The following GLYR1 variants were observed in gnomAD, a reference collection of about 807,000 sequenced individuals.
GLYR1 encodes glyoxylate reductase 1 homolog, also known as cytokine-like nuclear factor N-PAC.
GLYR1 carries 21 observed loss-of-function variants against 72.7 expected under a neutral mutation model. That is an observed-to-expected ratio of 0.29 (90% confidence interval 0.20 to 0.42). The LOEUF (loss-of-function observed/expected upper bound fraction) is 0.42, where lower values mean the gene tolerates loss of function less well. Among genes scored for constraint, GLYR1 ranks in the 10% least tolerant of loss-of-function variants. The pLI is 1.00. For synonymous variants in GLYR1, 392 were observed against 270.2 expected (o/e 1.45, Z -4.42); for missense variants, 594 against 712.1 (o/e 0.83, Z 1.89).
intron 3 of GLYR1, among the ~76,000 whole-genome samples, chr16:4,840,827 A>G (rs1359076765): frequency 6.6e-6 from 1 of 152,222 alleles, no homozygotes; most frequent in African/African-American, 2.4e-5. Flanking sequence ...CTCTTTCCCC[A>G]AAGTAATCTG....
chr16:4,820,837 C>T (rs1444793461), intron 9 of GLYR1, among the ~76,000 whole-genome samples: 1 of 152,206 alleles, frequency 6.6e-6, no homozygotes, highest in Non-Finnish European at 1.5e-5. Context: ...GGAGCATGTC[C>T]AGGATCGCCC....
intron 15 of GLYR1, among the ~76,000 whole-genome samples, chr16:4,810,427 T>C (rs1489598322): frequency 1.3e-5 from 2 of 151,344 alleles, no homozygotes; most frequent in African/African-American, 2.4e-5. Context: ...CAAAAATCTA[T>C]TGAACCCAGG....
intron 7 of GLYR1, 31 bp downstream of exon 7, chr16:4,822,844 C>A (rs367822667): frequency 1.0e-5 from 16 of 1,604,114 alleles, no homozygotes; most frequent in Non-Finnish European, 1.3e-5. Flanking sequence ...CAGCCCCTGA[C>A]CAAGGGCCAA....
chr16:4,834,981 C>T lies in GLYR1; in HGVS notation c.156-2069G>A, dbSNP rs138830178. ...CCAGCCCCAAAAGCCAGTGAAGCTA[C>T]CATACTAACCCGTGGGTCTGAGATG... is the stretch of plus-strand genomic sequence containing the variant. On this transcript the variant is annotated intron_variant, in intron 3 of 15. Transcript: ENST00000321919. Among the ~76,000 whole-genome samples the T allele has an allele frequency of 5.8e-3, 880 of 152,188 alleles. 14 individuals carry two copies. The highest frequency in any genetic ancestry group is 0.02 in the African/African-American group (850 of 41,508).
intron 3 of GLYR1, 194 bp from the exon 4 acceptor site, chr16:4,833,106 T>C (rs2084900046): frequency 2.2e-6 from 1 of 455,196 alleles, no homozygotes; most frequent in African/African-American, 2.0e-5. Flanking sequence ...TTGAAACAAG[T>C]CAAGCAGAAC....
chr16:4,837,797 G>A (rs2085249034), intron 3 of GLYR1, among the ~76,000 whole-genome samples: 1 of 151,914 alleles, frequency 6.6e-6, no homozygotes, highest in African/African-American at 2.4e-5. Flanking sequence ...TAGGTGCGGT[G>A]GCATGCGCCT....
chr16:4,825,100 C>T (rs1165638462), intron 5 of GLYR1, among the ~76,000 whole-genome samples: 1 of 152,194 alleles, frequency 6.6e-6, no homozygotes, highest in Admixed American at 6.5e-5. Flanking sequence ...CCTGCTTCCA[C>T]TCACAGTCTA....
intron 5 of GLYR1, among the ~76,000 whole-genome samples, chr16:4,825,923 A>T (rs1241063760): frequency 6.6e-6 from 1 of 152,212 alleles, no homozygotes; most frequent in African/African-American, 2.4e-5. Context: ...AAGTGCTGGG[A>T]TTACAGGCGT....
chr16:4,821,602 T>G lies in GLYR1; in HGVS notation c.682-5A>C. 2 of 1,613,784 alleles carry G rather than the reference T, an allele frequency of 1.2e-6. No homozygotes were observed. The highest frequency in any genetic ancestry group is 1.7e-6 in the Non-Finnish European group (2 of 1,179,902). The stretch of plus-strand genomic sequence containing the variant: ...TGCCTGGTAACAGACAGCTGGCTAA[T>G]GAAGGAGGAGGAAAGAGACTACTTG... On this transcript the variant is annotated splice_polypyrimidine_tract_variant and splice_region_variant and intron_variant, in intron 7 of 15. Transcript: ENST00000321919.
At chr16:4,826,901 C>T (rs2084416298) in intron 5 of GLYR1, among the ~76,000 whole-genome samples, 1 of 152,228 alleles carries the variant, frequency 6.6e-6, no homozygotes, top group Non-Finnish European at 1.5e-5. Context: ...GAGGAGGCAG[C>T]TTGTAACTCT....
intron 3 of GLYR1, among the ~76,000 whole-genome samples, chr16:4,838,333 G>C (rs1483439475): frequency 6.6e-6 from 1 of 152,130 alleles, no homozygotes; most frequent in Non-Finnish European, 1.5e-5. Flanking sequence ...TGGTGGAAAA[G>C]GACCACTGGT....
At chr16:4,814,065 A>C in intron 11 of GLYR1, 1 of 126,878 alleles carries the variant, frequency 7.9e-6, no homozygotes. Context: ...CTTTTTATTT[A>C]AAAAAAAAAA....
Position 4,803,589 on chromosome 16 carries a change from G to T in GLYR1, c.*1647C>A, listed in dbSNP as rs971739160. 6.8e-6 allele frequency: 1 copy of T among 146,708 alleles called. No individual in the cohort carries two copies. Among genetic ancestry groups the T allele is most frequent in the Non-Finnish European group, 1.5e-5 (1 of 67,034 alleles). The allele number at this position is 146,708 out of a possible 1,614,324, so 9.1% of individuals were successfully genotyped here. ...ATCTTCCCCCGCCCCCACCCCCAGTGTGTTCCGCCAGGACTAGAACAGGCT... is the reference window on the plus strand; with the variant it reads ...ATCTTCCCCCGCCCCCACCCCCAGTTTGTTCCGCCAGGACTAGAACAGGCT... On this transcript the variant is annotated 3_prime_UTR_variant, in exon 16 of 16. Coordinates refer to ENST00000321919, the MANE Select transcript of GLYR1 (RefSeq NM_032569.4).
chr16:4,835,321 C>G (rs144560936), intron 3 of GLYR1, among the ~76,000 whole-genome samples: 2 of 152,176 alleles, frequency 1.3e-5, no homozygotes, highest in Non-Finnish European at 2.9e-5. Context: ...ACAAGGTTTA[C>G]TGATTTCTGC....
intron 15 of GLYR1, among the ~76,000 whole-genome samples, chr16:4,810,540 AACTAAGT>A (rs1277543178): frequency 6.7e-6 from 1 of 150,208 alleles, no homozygotes; most frequent in Non-Finnish European, 1.5e-5. Flanking sequence ...AGAAAAGCTA[AACTAAGT>A]AGAGGGAAGG....
chr16:4,827,889 G>T (rs925818813), intron 5 of GLYR1, among the ~76,000 whole-genome samples: 1 of 151,808 alleles, frequency 6.6e-6, no homozygotes, highest in Admixed American at 6.5e-5. Context: ...GACAGCACGA[G>T]ACTCCGTCTC....
chr16:4,829,518 G>A (rs1330055165), intron 5 of GLYR1, among the ~76,000 whole-genome samples: 2 of 151,604 alleles, frequency 1.3e-5, no homozygotes, highest in African/African-American at 4.8e-5. Flanking sequence ...ACAGGGTCTC[G>A]CTGTGTCACC....
chr16:4,829,686 T>C (rs1215806582), intron 5 of GLYR1, among the ~76,000 whole-genome samples: 1 of 151,654 alleles, frequency 6.6e-6, no homozygotes, highest in Non-Finnish European at 1.5e-5. Context: ...TTTTTTTTTT[T>C]CTTTGAGACG....
chr16:4,840,615 C>T (rs2085480617), intron 3 of GLYR1, among the ~76,000 whole-genome samples: 1 of 152,114 alleles, frequency 6.6e-6, no homozygotes, highest in African/African-American at 2.4e-5. Context: ...GCATCCTGGA[C>T]CAATGTGTGC....
Sources: allele counts gnomAD v4.1 joint callset (sites outside exome capture counted in the v4.1 genomes callset), GRCh38; gene constraint gnomAD v4.1.1; transcripts MANE v1.5; gene names NCBI Gene and HGNC (gene_info 2026-07-23, HGNC 2026-07-21).